Variants in XPO1 observed in about 807,000 individuals in gnomAD.
The protein encoded by XPO1 is exportin 1, also known as exportin-1.
A neutral mutation model predicts 133.3 loss-of-function variants in XPO1; 5 were observed. The ratio of observed to expected loss-of-function variants is 0.04; its 90% CI spans 0.02 to 0.08. The LOEUF is 0.08. XPO1 is among the 10% of genes least tolerant of loss of function. The pLI is 1.00. For missense variants in XPO1, 506 were observed against 1,267.5 expected, an observed-to-expected ratio of 0.40 and a Z score of 9.12; for synonymous variants, 419 against 408.2, an observed-to-expected ratio of 1.03 and a Z score of -0.32.
At position 61,489,738 on chromosome 2, in the gene XPO1, TAG is replaced by T. The variant is rs202153695; in HGVS notation, c.2022+902_2022+903del. On this transcript the variant is annotated intron_variant, in intron 17 of 24. Transcript: ENST00000401558. ...ACTCAGCTAATTTTTGTATTTTTAG[TAG>T]AGACAGGGTTTCACTGCGTTAGCCA... Among the ~76,000 whole-genome samples, 57 of 151,652 alleles carry T rather than the reference TAG, an allele frequency of 3.8e-4. No individual in the cohort carries two copies. The East Asian group carries it at 0.011, about 28-fold the overall frequency.
chr2:61,482,033 C>CTTTT lies in XPO1; in HGVS notation c.2972+346_2972+347insAAAA, dbSNP rs1491506588. On this transcript the variant is annotated intron_variant, in intron 23 of 24. Transcript: ENST00000401558. The stretch of plus-strand genomic sequence containing the variant: ...TACAGTCATGAGCCACCGTGCGTGG[C>CTTTT]CTTTTTTTTTTTTTTTTTTTTTTTG... 3.7e-3 allele frequency among the ~76,000 whole-genome samples: 323 copies of CTTTT among 86,724 alleles called. 44 individuals carry two copies. Among genetic ancestry groups the CTTTT allele is most frequent in the African/African-American group, 6.6e-3 (182 of 27,482 alleles). 56.9% of individuals were successfully genotyped at this position (86,724 alleles called of 152,430 possible). A position where few individuals can be genotyped will look rare whatever the true frequency, so the allele number is the denominator to read the frequency against.
chr2:61,496,811 A>G, intron 10 of XPO1, 68 bp downstream of exon 10: 1 of 1,364,018 alleles, frequency 7.3e-7, no homozygotes, highest in Non-Finnish European at 9.6e-7. Flanking sequence ...AAAATAACTC[A>G]TTTGGAATTT....
At chr2:61,502,150 A>G (rs1573155208) in intron 5 of XPO1, 99 bp downstream of exon 5, 19 of 1,516,852 alleles carry the variant, frequency 1.3e-5, no homozygotes, top group Non-Finnish European at 1.5e-5. Flanking sequence ...CTGACTGTGC[A>G]TATGTGTGAC....
chr2:61,532,823 G>A (rs1385641671), intron 2 of XPO1, among the ~76,000 whole-genome samples: 1 of 147,438 alleles, frequency 6.8e-6, no homozygotes, highest in East Asian at 2.1e-4. Context: ...GACAGAGCAA[G>A]ACTCCATCTG....
At chr2:61,482,903 G>T (rs1696470550) in intron 22 of XPO1, 54 bp downstream of exon 22, 1 of 1,606,556 alleles carries the variant, frequency 6.2e-7, no homozygotes, top group Non-Finnish European at 8.5e-7. Flanking sequence ...GATTATAGGC[G>T]TGAGGCCCTG....
chr2:61,507,243 C>CA (rs55737388), intron 4 of XPO1, among the ~76,000 whole-genome samples: 1,603 of 65,486 alleles, frequency 0.024, 61 homozygotes, highest in African/African-American at 0.075. Flanking sequence ...GACTCCATCT[C>CA]AAAAAAAAAA....
At chr2:61,502,173 C>G (rs1489180211) in intron 5 of XPO1, 76 bp downstream of exon 5, 1 of 1,554,920 alleles carries the variant, frequency 6.4e-7, no homozygotes, top group Non-Finnish European at 8.8e-7. Flanking sequence ...TGTGTCTTGA[C>G]AGAATTAGGT....
At chr2:61,531,313 G>A (rs1253043687) in intron 2 of XPO1, among the ~76,000 whole-genome samples, 2 of 152,140 alleles carry the variant, frequency 1.3e-5, no homozygotes. Context: ...AACTACTGCA[G>A]ACAAAATCCT....
chr2:61,513,359 A>T (rs1029957743), intron 4 of XPO1, among the ~76,000 whole-genome samples: 14 of 119,472 alleles, frequency 1.2e-4, no homozygotes, highest in African/African-American at 4.5e-4. Flanking sequence ...AACGTACAGA[A>T]TATCTTTTTT....
At position 61,493,106 on chromosome 2, in the gene XPO1, A is replaced by G. The variant is rs1236212162; in HGVS notation, c.1246-53T>C. 5 of 1,504,684 alleles carry G rather than the reference A, an allele frequency of 3.3e-6. No homozygotes were observed. In the Admixed American group the frequency reaches 9.8e-5, roughly 29 times the overall value. The allele number at this position is 1,504,684 out of a possible 1,614,324, so 93.2% of individuals were successfully genotyped here. ...AAAAAATCGTTAGATCACTGAAATC[A>G]TTAGTGTAGAAGCTTAGTTAAAAAC... On this transcript the variant is annotated intron_variant, in intron 12 of 24. Transcript: ENST00000401558.
chr2:61,531,025 G>T (rs960087182), intron 2 of XPO1, among the ~76,000 whole-genome samples: 8 of 152,088 alleles, frequency 5.3e-5, no homozygotes, highest in African/African-American at 1.9e-4. Context: ...CTTAAGCAAT[G>T]ACTAGAGAGA....
Position 61,488,379 on chromosome 2 carries a change from A to C in XPO1, c.2207-108T>G. ...TTTTACCATTAAAAAGTTTAAAGCCAAAAGTTCACAAAATTTATTGGGAAA... is the reference window on the plus strand; with the variant it reads ...TTTTACCATTAAAAAGTTTAAAGCCCAAAGTTCACAAAATTTATTGGGAAA... On this transcript the variant is annotated intron_variant, in intron 18 of 24. Coordinates refer to ENST00000401558, the MANE Select transcript of XPO1 (RefSeq NM_003400.4). The C allele has an allele frequency of 5.6e-6, 7 of 1,250,372 alleles. No individual in the cohort carries two copies. In the East Asian group the frequency reaches 9.4e-5, roughly 17 times the overall value. 77.5% of individuals were successfully genotyped at this position (1,250,372 alleles called of 1,614,324 possible).
intron 24 of XPO1, 53 bp downstream of exon 24, chr2:61,481,131 TA>T (rs1047796007): frequency 3.4e-6 from 4 of 1,164,326 alleles, no homozygotes; most frequent in African/African-American, 3.1e-5. Flanking sequence ...CAATGTAACA[TA>T]AAAGTGGTCA....
At chr2:61,530,105 T>C (rs977153769) in intron 2 of XPO1, among the ~76,000 whole-genome samples, 3 of 152,238 alleles carry the variant, frequency 2.0e-5, no homozygotes, top group Non-Finnish European at 4.4e-5. Flanking sequence ...TAGATAACCT[T>C]ATCTAACTAG....
chr2:61,505,287 C>G (rs10202591), intron 4 of XPO1, among the ~76,000 whole-genome samples: 1,655 of 152,230 alleles, frequency 0.011, 33 homozygotes, highest in African/African-American at 0.037. Flanking sequence ...CCCACCATAC[C>G]CAGCCTAATA....
rs1389878056 is a variant in XPO1 at position 61,495,629 on chromosome 2, G to A, written c.889-16C>T. 4.5e-6 allele frequency: 7 copies of A among 1,539,990 alleles called. No homozygotes were observed. Among genetic ancestry groups the A allele is most frequent in the African/African-American group, 1.4e-5 (1 of 72,172 alleles). On this transcript the variant is annotated splice_polypyrimidine_tract_variant and intron_variant, in intron 10 of 24. Coordinates refer to ENST00000401558, the MANE Select transcript of XPO1 (RefSeq NM_003400.4). The stretch of plus-strand genomic sequence containing the variant: ...AAGGAAGCATCTGCAAATTTTAAAA[G>A]GGACGATCAGTTCGCATTTTATAAA...
chr2:61,524,129 C>T (rs933459410), intron 3 of XPO1, among the ~76,000 whole-genome samples: 1 of 152,122 alleles, frequency 6.6e-6, no homozygotes. Flanking sequence ...TAAGCATTTT[C>T]TTTAATTTTA....
intron 4 of XPO1, among the ~76,000 whole-genome samples, chr2:61,512,905 G>A (rs1698162491): frequency 6.6e-6 from 1 of 152,112 alleles, no homozygotes; most frequent in South Asian, 2.1e-4. Flanking sequence ...GCCGGGTGTG[G>A]TGGTGTGCAC....
chr2:61,535,042 A>G (rs376947620), intron 1 of XPO1, among the ~76,000 whole-genome samples: 2 of 152,250 alleles, frequency 1.3e-5, no homozygotes, highest in African/African-American at 4.8e-5. Flanking sequence ...CTAACAGAAA[A>G]ATGAGCTACT....
Sources: allele counts gnomAD v4.1 joint callset (sites outside exome capture counted in the v4.1 genomes callset), GRCh38; gene constraint gnomAD v4.1.1; transcripts MANE v1.5; gene names NCBI Gene and HGNC (gene_info 2026-07-23, HGNC 2026-07-21).